The following OXR1 variants were observed in gnomAD, a reference collection of about 807,000 sequenced individuals.
OXR1 encodes oxidation resistance 1.
In OXR1, 41 loss-of-function variants were observed where a neutral mutation model predicts 104.6. The observed-to-expected ratio is 0.39, with a 90% CI of 0.31 to 0.51. The LOEUF (loss-of-function observed/expected upper bound fraction) is 0.51, where lower values mean the gene tolerates loss of function less well. Ranked by LOEUF, OXR1 falls within the 20% of genes least tolerant of loss-of-function variation. The pLI, the probability that OXR1 is intolerant of heterozygous loss-of-function variation, is 0.77. For missense variants in OXR1, 955 were observed against 1,031.9 expected (o/e 0.93, Z 1.02); for synonymous variants, 348 against 348.4 (o/e 1.00, Z 0.01).
intron 1 of OXR1, among the ~76,000 whole-genome samples, chr8:106,303,398 C>T (rs1813342152): frequency 6.6e-6 from 1 of 151,150 alleles, no homozygotes; most frequent in Non-Finnish European, 1.5e-5. Flanking sequence ...GCCACCACGC[C>T]CGGCTAATTT....
intron 3 of OXR1, among the ~76,000 whole-genome samples, chr8:106,605,987 G>A (rs1196685474): frequency 1.9e-5 from 2 of 103,382 alleles, no homozygotes; most frequent in Non-Finnish European, 3.9e-5. Flanking sequence ...GATGCAAAGT[G>A]TTTACCAGAT....
rs146108416 is a variant in OXR1, at chr8:106,750,295, T to A, written c.2487-511T>A. On this transcript the variant is annotated intron_variant, in intron 16 of 16. Coordinates refer to ENST00000517566, the MANE Select transcript of OXR1 (RefSeq NM_001198533.2). ...AGGACACTGTTCCTGGTCTGTATCA[T>A]AAATAATTTTTTTCTTTTCTTTTCT... is the stretch of plus-strand genomic sequence containing the variant. Among the ~76,000 whole-genome samples, 79 of 150,862 alleles carry A rather than the reference T, an allele frequency of 5.2e-4. 1 individual carries two copies. The East Asian group carries it at 0.015, about 28-fold the overall frequency.
intron 3 of OXR1, among the ~76,000 whole-genome samples, chr8:106,526,584 C>T (rs959124738): frequency 2.0e-5 from 3 of 152,216 alleles, no homozygotes; most frequent in African/African-American, 7.2e-5. Flanking sequence ...GCTCTGTCGC[C>T]CAGGCTGGAG....
chr8:106,601,924 G>C (rs1465444293), intron 3 of OXR1, among the ~76,000 whole-genome samples: 1 of 152,206 alleles, frequency 6.6e-6, no homozygotes, highest in Non-Finnish European at 1.5e-5. Context: ...AGAAGTCAGA[G>C]AGATTCAGAG....
chr8:106,559,815 C>A (rs1816549587), intron 3 of OXR1, among the ~76,000 whole-genome samples: 1 of 152,156 alleles, frequency 6.6e-6, no homozygotes, highest in South Asian at 2.1e-4. Flanking sequence ...CCCAAATGTT[C>A]TACCTCTTAG....
chr8:106,657,795 G>A, intron 3 of OXR1: 1 of 1,216,254 alleles, frequency 8.2e-7, no homozygotes, highest in Non-Finnish European at 1.0e-6. Flanking sequence ...CTCCCCCGAC[G>A]CGTGGTTTCC....
At chr8:106,397,799 T>G (rs1313415657) in intron 2 of OXR1, among the ~76,000 whole-genome samples, 1 of 152,126 alleles carries the variant, frequency 6.6e-6, no homozygotes, top group East Asian at 1.9e-4. Context: ...GTACCTTGCA[T>G]TAGTTTTTTG....
chr8:106,294,919 C>T (rs182432410), intron 1 of OXR1, among the ~76,000 whole-genome samples: 5 of 152,270 alleles, frequency 3.3e-5, no homozygotes, highest in Non-Finnish European at 7.4e-5. Context: ...GTTTTCATAA[C>T]AATCTGTGTA....
chr8:106,562,059 CTCT>C (rs1292112174), intron 3 of OXR1, among the ~76,000 whole-genome samples: 1 of 152,106 alleles, frequency 6.6e-6, no homozygotes, highest in African/African-American at 2.4e-5. Context: ...TCCAGAATGC[CTCT>C]TCTTCTCCAA....
chr8:106,280,409 G>T (rs1200160725), intron 1 of OXR1, among the ~76,000 whole-genome samples: 1 of 152,158 alleles, frequency 6.6e-6, no homozygotes, highest in Non-Finnish European at 1.5e-5. Context: ...TCTGCTTCAT[G>T]CCTTTCTCTT....
chr8:106,600,563 T>A (rs1418562298), intron 3 of OXR1, among the ~76,000 whole-genome samples: 2 of 152,156 alleles, frequency 1.3e-5, no homozygotes, highest in African/African-American at 4.8e-5. Flanking sequence ...CAGAACAGAT[T>A]AGTGAGTTTT....
rs1241551683 is a variant in OXR1 at position 106,693,364 on chromosome 8, G to A, written c.675+487G>A. On this transcript the variant is annotated intron_variant, in intron 7 of 16. Coordinates refer to ENST00000517566, the MANE Select transcript of OXR1 (RefSeq NM_001198533.2). ...AAAAACAAAACAGGAAGGGTTCATA[G>A]GAAAGGTTAATAGGTCCAAGATCTC... Among the ~76,000 whole-genome samples, 5 of 151,240 alleles carry A rather than the reference G, an allele frequency of 3.3e-5. No homozygotes were observed. The South Asian group carries it at 8.3e-4, about 25-fold the overall frequency.
chr8:106,466,930 T>A (rs1821203727), intron 2 of OXR1, among the ~76,000 whole-genome samples: 1 of 151,986 alleles, frequency 6.6e-6, no homozygotes, highest in Non-Finnish European at 1.5e-5. Flanking sequence ...TGATGATACT[T>A]ATTGATTACT....
At chr8:106,672,366 A>C (rs1388854392) in intron 3 of OXR1, among the ~76,000 whole-genome samples, 2 of 151,126 alleles carry the variant, frequency 1.3e-5, no homozygotes, top group Non-Finnish European at 2.9e-5. Flanking sequence ...GTGTGCCTGT[A>C]GTCCCAGCTA....
chr8:106,443,255 G>A (rs1819866271), intron 2 of OXR1, among the ~76,000 whole-genome samples: 1 of 152,058 alleles, frequency 6.6e-6, no homozygotes, highest in Non-Finnish European at 1.5e-5. Context: ...TCATGGCACT[G>A]TTGTACTGAG....
chr8:106,303,639 ATGGT>A (rs1813356071), intron 1 of OXR1, among the ~76,000 whole-genome samples: 1 of 152,200 alleles, frequency 6.6e-6, no homozygotes, highest in African/African-American at 2.4e-5. Flanking sequence ...CATAGCGTTT[ATGGT>A]ACACATGCTC....
intron 2 of OXR1, among the ~76,000 whole-genome samples, chr8:106,418,664 G>A (rs1818780467): frequency 6.6e-6 from 1 of 151,974 alleles, no homozygotes; most frequent in African/African-American, 2.4e-5. Flanking sequence ...TACCGAAGAG[G>A]AATTCATGTT....
intron 3 of OXR1, among the ~76,000 whole-genome samples, chr8:106,592,565 A>G (rs1586862081): frequency 6.6e-6 from 1 of 152,180 alleles, no homozygotes; most frequent in East Asian, 1.9e-4. Context: ...AGAAGGCAAC[A>G]GTGAAATGAA....
intron 3 of OXR1, among the ~76,000 whole-genome samples, chr8:106,550,331 A>T (rs1034352439): frequency 6.6e-6 from 1 of 152,240 alleles, no homozygotes; most frequent in Non-Finnish European, 1.5e-5. Context: ...GTGTGTTCAC[A>T]CAACAGCATT....
Sources: allele counts gnomAD v4.1 joint callset (sites outside exome capture counted in the v4.1 genomes callset), GRCh38; gene constraint gnomAD v4.1.1; transcripts MANE v1.5; gene names NCBI Gene and HGNC (gene_info 2026-07-23, HGNC 2026-07-21).